Variants in NXPE2 observed in about 807,000 individuals in gnomAD.
The protein encoded by NXPE2 is neurexophilin and PC-esterase domain family member 2.
In NXPE2, 34 loss-of-function variants were observed where a neutral mutation model predicts 34.4. That is an observed-to-expected ratio of 0.99 (90% CI 0.75 to 1.31). The LOEUF (loss-of-function observed/expected upper bound fraction) is 1.31, where lower values mean the gene tolerates loss of function less well. NXPE2 is among the 40% of genes most tolerant of loss of function. The pLI, the probability that NXPE2 is intolerant of heterozygous loss-of-function variation, is 0.00. For synonymous variants in NXPE2, 235 were observed against 231.3 expected, an observed-to-expected ratio of 1.02 and a Z score of -0.15; for missense variants, 649 against 672.5, an observed-to-expected ratio of 0.97 and a Z score of 0.39.
chr11:114,484,172 CT>C, the NXPE2 span, among the ~76,000 whole-genome samples: 10 of 152,306 alleles, frequency 6.6e-5, no homozygotes, highest in Non-Finnish European at 1.3e-4. Context: ...TACCCCTCCC[CT>C]ATCCCTTTGT....
chr11:114,729,045 A>C, the NXPE2 span, among the ~76,000 whole-genome samples: 1 of 152,072 alleles, frequency 6.6e-6, no homozygotes, highest in Non-Finnish European at 1.5e-5. Flanking sequence ...CATGGTACCC[A>C]ATAGTTTTTC....
the NXPE2 span, chr11:114,582,218 T>G: frequency 6.8e-7 from 1 of 1,473,884 alleles, no homozygotes; most frequent in South Asian, 1.4e-5. Context: ...CACAAGACTT[T>G]TCTTTGGATC....
chr11:114,809,473 G>C, the NXPE2 span, among the ~76,000 whole-genome samples: 1 of 135,382 alleles, frequency 7.4e-6, no homozygotes, highest in Non-Finnish European at 1.6e-5. Context: ...ATCTCCTCAA[G>C]CTGATAAGCA....
chr11:114,649,573 A>T, the NXPE2 span, among the ~76,000 whole-genome samples: 1 of 152,246 alleles, frequency 6.6e-6, no homozygotes, highest in African/African-American at 2.4e-5. Flanking sequence ...TTGCCTGGGC[A>T]ACTAGGTAAA....
chr11:114,514,126 C>T, the NXPE2 span, among the ~76,000 whole-genome samples: 1 of 152,196 alleles, frequency 6.6e-6, no homozygotes, highest in South Asian at 2.1e-4. Context: ...CTGTGCCTTG[C>T]TTTTTTATGT....
chr11:114,511,486 T>C, the NXPE2 span, among the ~76,000 whole-genome samples: 1 of 152,246 alleles, frequency 6.6e-6, no homozygotes, highest in Non-Finnish European at 1.5e-5. Context: ...AGCTAGCTGC[T>C]GTCTCAGCCC....
chr11:114,617,412 C>G, the NXPE2 span, among the ~76,000 whole-genome samples: 1 of 152,092 alleles, frequency 6.6e-6, no homozygotes, highest in African/African-American at 2.4e-5. Context: ...TCGTGGGTAA[C>G]CACTGTTACC....
the NXPE2 span, among the ~76,000 whole-genome samples, chr11:114,496,648 T>G: frequency 6.6e-6 from 1 of 152,190 alleles, no homozygotes; most frequent in East Asian, 1.9e-4. Flanking sequence ...TATATATAAT[T>G]GGTTCTGATT....
the NXPE2 span, among the ~76,000 whole-genome samples, chr11:114,515,158 C>T: frequency 6.6e-6 from 1 of 151,870 alleles, no homozygotes; most frequent in African/African-American, 2.4e-5. Flanking sequence ...GAGTCTTTAT[C>T]ATTTATCTCT....
At chr11:114,650,225 GCA>G in the NXPE2 span, among the ~76,000 whole-genome samples, 6 of 152,268 alleles carry the variant, frequency 3.9e-5, no homozygotes, top group South Asian at 1.2e-3. Context: ...CTTTGGTAGA[GCA>G]CAGGAAAAAG....
At chr11:114,508,497 A>C in the NXPE2 span, among the ~76,000 whole-genome samples, 1 of 152,232 alleles carries the variant, frequency 6.6e-6, no homozygotes, top group Non-Finnish European at 1.5e-5. Context: ...AAACTATACT[A>C]CAGGGCTACA....
At chr11:114,723,851 G>C in the NXPE2 span, among the ~76,000 whole-genome samples, 1 of 152,128 alleles carries the variant, frequency 6.6e-6, no homozygotes, top group Non-Finnish European at 1.5e-5. Context: ...AAGAAGGAAG[G>C]ACATATGGAA....
the NXPE2 span, among the ~76,000 whole-genome samples, chr11:114,664,094 T>C: frequency 6.6e-6 from 1 of 152,184 alleles, no homozygotes; most frequent in African/African-American, 2.4e-5. Context: ...AGAGGTTTTA[T>C]TCACAATTGC....
At chr11:114,640,010 ATAT>A in the NXPE2 span, among the ~76,000 whole-genome samples, 8 of 120,366 alleles carry the variant, frequency 6.6e-5, no homozygotes, top group East Asian at 2.4e-4. Flanking sequence ...ATGTAATAAT[ATAT>A]TATTTTATAA....
the NXPE2 span, among the ~76,000 whole-genome samples, chr11:114,745,216 T>A: frequency 3.3e-5 from 5 of 151,956 alleles, no homozygotes; most frequent in African/African-American, 1.2e-4. Flanking sequence ...AGAAATGAGG[T>A]TTATTTGGGT....
chr11:114,638,475 A>G, the NXPE2 span, among the ~76,000 whole-genome samples: 544 of 152,166 alleles, frequency 3.6e-3, 4 homozygotes, highest in African/African-American at 0.013. Flanking sequence ...CATCAAAGTC[A>G]TTCTCCGTCC....
chr11:114,653,554 T>A, the NXPE2 span, among the ~76,000 whole-genome samples: 1 of 108,420 alleles, frequency 9.2e-6, no homozygotes, highest in Non-Finnish European at 2.0e-5. Context: ...TTTTTTTTTT[T>A]AGACAGAGTC....
the NXPE2 span, among the ~76,000 whole-genome samples, chr11:114,468,216 T>C: frequency 6.6e-6 from 1 of 152,132 alleles, no homozygotes; most frequent in South Asian, 2.1e-4. Context: ...TCAACACCAT[T>C]CTGGGCCACA....
chr11:114,598,405 C>T, the NXPE2 span, among the ~76,000 whole-genome samples: 1 of 145,164 alleles, frequency 6.9e-6, no homozygotes, highest in South Asian at 2.2e-4. Context: ...GGCAGTGCCC[C>T]AGTGGGGACT....
Sources: allele counts gnomAD v4.1 joint callset (sites outside exome capture counted in the v4.1 genomes callset), GRCh38; gene constraint gnomAD v4.1.1; transcripts MANE v1.5; gene names NCBI Gene and HGNC (gene_info 2026-07-23, HGNC 2026-07-21).